Variants in TNFSF4 observed in about 807,000 individuals in gnomAD.
TNFSF4 encodes TNF superfamily member 4, also known as tumor necrosis factor ligand superfamily member 4.
A neutral mutation model predicts 7.3 loss-of-function variants in TNFSF4; 4 were observed. That is an observed-to-expected ratio of 0.55 (90% CI 0.27 to 1.25). TNFSF4 has a LOEUF of 1.25. Ranked by LOEUF, TNFSF4 falls within the 50% of genes most tolerant of loss-of-function variation. TNFSF4 has a pLI of 0.12. For synonymous variants in TNFSF4, 76 were observed against 83.7 expected, an observed-to-expected ratio of 0.91 and a Z score of 0.50; for missense variants, 181 against 208.8, an observed-to-expected ratio of 0.87 and a Z score of 0.82.
At chr1:173,359,510 T>TAAAAAAAA in the TNFSF4 span, among the ~76,000 whole-genome samples, 23 of 122,738 alleles carry the variant, frequency 1.9e-4, no homozygotes, top group African/African-American at 3.5e-4. Flanking sequence ...TTACCAGCTG[T>TAAAAAAAA]AAAAAAAAAA....
At chr1:173,257,485 C>T in the TNFSF4 span, among the ~76,000 whole-genome samples, 5 of 152,258 alleles carry the variant, frequency 3.3e-5, no homozygotes, top group African/African-American at 4.8e-5. Context: ...GTCCCCAGCC[C>T]ACCCTCACTT....
chr1:173,401,301 C>G, the TNFSF4 span, among the ~76,000 whole-genome samples: 1 of 152,102 alleles, frequency 6.6e-6, no homozygotes, highest in Non-Finnish European at 1.5e-5. Flanking sequence ...TCAGGAGGCA[C>G]GTATGAGTAT....
chr1:173,433,005 AACATAT>A, the TNFSF4 span, among the ~76,000 whole-genome samples: 1 of 152,244 alleles, frequency 6.6e-6, no homozygotes, highest in Admixed American at 6.5e-5. Flanking sequence ...ACATATACGT[AACATAT>A]ACATATACAT....
the TNFSF4 span, among the ~76,000 whole-genome samples, chr1:173,255,454 ATTAT>A: frequency 6.6e-6 from 1 of 152,162 alleles, no homozygotes. Flanking sequence ...ATGGAGAAGT[ATTAT>A]TTAGGTTTAA....
chr1:173,350,761 G>A, the TNFSF4 span, among the ~76,000 whole-genome samples: 4 of 152,178 alleles, frequency 2.6e-5, no homozygotes, highest in Admixed American at 6.5e-5. Context: ...GAATGCTGGA[G>A]GGTCTCACAC....
rs550489495 is a variant in TNFSF4 at position 173,185,153 on chromosome 1, G to A, written c.*1363C>T. On this transcript the variant is annotated 3_prime_UTR_variant, in exon 3 of 3. Transcript: ENST00000281834. ...TCATCCAGAAAGATTCTGTGATGTTGTATCCTCTATTGAAAATGTCAGGGA... is the reference window on the plus strand; with the variant it reads ...TCATCCAGAAAGATTCTGTGATGTTATATCCTCTATTGAAAATGTCAGGGA... The A allele has an allele frequency of 6.6e-6, 1 of 152,252 alleles. No individual in the cohort carries two copies. The highest frequency in any genetic ancestry group is 6.5e-5 in the Admixed American group (1 of 15,302). The allele number at this position is 152,252 out of a possible 1,614,324, so 9.4% of individuals were successfully genotyped here. A position where few individuals can be genotyped will look rare whatever the true frequency, so the allele number is the denominator to read the frequency against.
At chr1:173,371,665 G>A in the TNFSF4 span, among the ~76,000 whole-genome samples, 1 of 152,152 alleles carries the variant, frequency 6.6e-6, no homozygotes, top group Non-Finnish European at 1.5e-5. Flanking sequence ...AAACCAAATG[G>A]TTAGGGGAGA....
the TNFSF4 span, among the ~76,000 whole-genome samples, chr1:173,231,224 G>A: frequency 6.6e-6 from 1 of 152,192 alleles, no homozygotes; most frequent in African/African-American, 2.4e-5. Flanking sequence ...GAATCCAGCA[G>A]CATATCAAAG....
At chr1:173,360,211 G>GT in the TNFSF4 span, among the ~76,000 whole-genome samples, 571 of 152,362 alleles carry the variant, frequency 3.7e-3, 5 homozygotes, top group African/African-American at 0.012. Context: ...TCTATTGACA[G>GT]GTGAAGAGCA....
chr1:173,260,128 C>T, the TNFSF4 span, among the ~76,000 whole-genome samples: 1 of 152,176 alleles, frequency 6.6e-6, no homozygotes, highest in Non-Finnish European at 1.5e-5. Flanking sequence ...TCCCATCAGA[C>T]TAACAGCAGA....
At chr1:173,383,739 C>T in the TNFSF4 span, among the ~76,000 whole-genome samples, 6 of 152,004 alleles carry the variant, frequency 3.9e-5, no homozygotes, top group East Asian at 1.9e-4. Flanking sequence ...GGGCAACTTA[C>T]GGAGAAAACC....
At chr1:173,325,851 C>A in the TNFSF4 span, among the ~76,000 whole-genome samples, 49 of 152,182 alleles carry the variant, frequency 3.2e-4, no homozygotes, top group Admixed American at 2.5e-3. Flanking sequence ...CAATAACAGG[C>A]TCTGAAATTG....
the TNFSF4 span, among the ~76,000 whole-genome samples, chr1:173,383,864 G>A: frequency 6.6e-6 from 1 of 152,144 alleles, no homozygotes; most frequent in East Asian, 1.9e-4. Context: ...CGTATAAAAT[G>A]AGGATCAAAA....
At chr1:173,206,937 A>T (rs1650222818) in intron 1 of TNFSF4, 87 bp downstream of exon 1, 1 of 1,442,216 alleles carries the variant, frequency 6.9e-7, no homozygotes, top group Non-Finnish European at 9.3e-7. Flanking sequence ...TTTTGGCATA[A>T]GATTATTTCC....
At chr1:173,410,696 T>TGAGG in the TNFSF4 span, among the ~76,000 whole-genome samples, 1 of 152,126 alleles carries the variant, frequency 6.6e-6, no homozygotes, top group Non-Finnish European at 1.5e-5. Context: ...AGATGGGAAA[T>TGAGG]GAGGGAGTCA....
the TNFSF4 span, among the ~76,000 whole-genome samples, chr1:173,449,425 C>A: frequency 6.6e-6 from 1 of 151,490 alleles, no homozygotes; most frequent in Non-Finnish European, 1.5e-5. Flanking sequence ...ACAATCTCAG[C>A]TCATTGCAAC....
the TNFSF4 span, among the ~76,000 whole-genome samples, chr1:173,408,796 C>G: frequency 6.6e-6 from 1 of 151,994 alleles, no homozygotes; most frequent in Non-Finnish European, 1.5e-5. Context: ...CACCATGTTT[C>G]CCAGGCTGGT....
At chr1:173,277,258 T>G in the TNFSF4 span, among the ~76,000 whole-genome samples, 1 of 152,152 alleles carries the variant, frequency 6.6e-6, no homozygotes, top group Admixed American at 6.5e-5. Context: ...AGGTAACTAT[T>G]CAGGATCTGT....
upstream of TNFSF4, among the ~76,000 whole-genome samples, chr1:173,209,625 C>T (rs947343148): frequency 6.6e-6 from 1 of 152,142 alleles, no homozygotes; most frequent in Non-Finnish European, 1.5e-5. Flanking sequence ...CTGCCTCAGC[C>T]TCCCAAGTAG....
Sources: gnomAD v4.1 joint callset for allele counts (sites outside exome capture counted in the v4.1 genomes callset) on GRCh38, gnomAD v4.1.1 for gene constraint, MANE v1.5 for transcripts, NCBI Gene and HGNC (gene_info 2026-07-23, HGNC 2026-07-21) for gene names.